PAK5: variants seen among roughly 807,000 people sequenced by gnomAD.
PAK5 encodes p21 (RAC1) activated kinase 5, also known as serine/threonine-protein kinase PAK 5.
A neutral mutation model predicts 65.9 loss-of-function variants in PAK5; 16 were observed. That is an observed-to-expected ratio of 0.24 (90% confidence interval 0.16 to 0.37). The LOEUF (loss-of-function observed/expected upper bound fraction) is 0.37, where lower values mean the gene tolerates loss of function less well. Among genes scored for constraint, PAK5 ranks in the 10% least tolerant of loss-of-function variants. The pLI is 1.00. For missense variants in PAK5, 785 were observed against 903.9 expected, an observed-to-expected ratio of 0.87 and a Z score of 1.69; for synonymous variants, 371 against 354.9, an observed-to-expected ratio of 1.05 and a Z score of -0.51.
At position 9,838,189 on chromosome 20, in the gene PAK5, GCA is replaced by G. The variant is rs1013658968; in HGVS notation, c.-162+571_-162+572del. On this transcript the variant is annotated intron_variant, in intron 1 of 9. Coordinates refer to ENST00000353224, the MANE Select transcript of PAK5 (RefSeq NM_177990.4). The surrounding 1 kb of genome is among the most constrained non-coding windows in gnomAD (Gnocchi z 4.5). Reference sequence around the variant, plus strand: ...CCATTACAACCCACCAGGCGCGCGCGCACACACACACGCGCGCACACACACAC... The same window carrying G: ...CCATTACAACCCACCAGGCGCGCGCGCACACACACGCGCGCACACACACAC... Among the ~76,000 whole-genome samples, 4 of 130,866 alleles carry G rather than the reference GCA, an allele frequency of 3.1e-5. No homozygotes were observed. Among genetic ancestry groups the G allele is most frequent in the African/African-American group, 6.4e-5 (2 of 31,090 alleles). 85.9% of individuals were successfully genotyped at this position (130,866 alleles called of 152,430 possible). A position where few individuals can be genotyped will look rare whatever the true frequency, so the allele number is the denominator to read the frequency against.
chr20:9,564,823 A>G (rs553353213), intron 5 of PAK5, among the ~76,000 whole-genome samples: 13 of 152,242 alleles, frequency 8.5e-5, no homozygotes, highest in African/African-American at 3.1e-4. Context: ...ACGATAAAAG[A>G]TTATTAAGCC....
chr20:9,808,118 T>C (rs1445861449), intron 1 of PAK5, among the ~76,000 whole-genome samples: 4 of 152,182 alleles, frequency 2.6e-5, no homozygotes, highest in African/African-American at 9.7e-5. Context: ...TGAAACTGAA[T>C]GTATTAGCAC....
At chr20:9,716,121 TACCC>T (rs1435522480) in intron 1 of PAK5, among the ~76,000 whole-genome samples, 3 of 20,738 alleles carry the variant, frequency 1.4e-4, no homozygotes, top group Admixed American at 6.4e-4. Flanking sequence ...CTCAAAAGCA[TACCC>T]TAAAACTTAG....
At chr20:9,808,700 G>T (rs1302795509) in intron 1 of PAK5, among the ~76,000 whole-genome samples, 1 of 152,154 alleles carries the variant, frequency 6.6e-6, no homozygotes, top group Non-Finnish European at 1.5e-5. Flanking sequence ...AAAGTAAACT[G>T]GTAGGAGTAT....
chr20:9,564,919 T>C (rs1482249465), intron 5 of PAK5, among the ~76,000 whole-genome samples: 1 of 151,758 alleles, frequency 6.6e-6, no homozygotes, highest in Non-Finnish European at 1.5e-5. Context: ...TGTATGCTGA[T>C]ATATTTTATT....
chr20:9,579,897 A>C (rs2045947059), intron 4 of PAK5, among the ~76,000 whole-genome samples: 2 of 152,344 alleles, frequency 1.3e-5, no homozygotes, highest in South Asian at 4.1e-4. Context: ...CAATAAGTTT[A>C]TTCGCCTTTT....
At chr20:9,572,720 C>T (rs1379820593) in intron 4 of PAK5, among the ~76,000 whole-genome samples, 1 of 152,174 alleles carries the variant, frequency 6.6e-6, no homozygotes, top group East Asian at 1.9e-4. Context: ...CATAGTTTAC[C>T]CTTGCAGACC....
chr20:9,821,507 T>C (rs2049420865), intron 1 of PAK5, among the ~76,000 whole-genome samples: 2 of 152,190 alleles, frequency 1.3e-5, no homozygotes, highest in Non-Finnish European at 2.9e-5. Flanking sequence ...TGGCAATCAC[T>C]GATATGACCT....
chr20:9,670,332 C>T (rs539157796), intron 2 of PAK5, among the ~76,000 whole-genome samples: 12 of 152,244 alleles, frequency 7.9e-5, no homozygotes, highest in African/African-American at 2.6e-4. Flanking sequence ...TTCTAGATCC[C>T]TGAGGAATCG....
At chr20:9,720,674 T>C (rs1569058122) in intron 1 of PAK5, among the ~76,000 whole-genome samples, 1 of 152,154 alleles carries the variant, frequency 6.6e-6, no homozygotes, top group Non-Finnish European at 1.5e-5. Flanking sequence ...ATGATACTAT[T>C]CATAATAGCC....
At chr20:9,699,146 T>A (rs1191767929) in intron 2 of PAK5, among the ~76,000 whole-genome samples, 1 of 152,164 alleles carries the variant, frequency 6.6e-6, no homozygotes, top group Non-Finnish European at 1.5e-5. Flanking sequence ...TTTTGTGTCC[T>A]ATCAGCTGCA....
Position 9,671,091 on chromosome 20 carries a change from C to T in PAK5, c.-11-26752G>A, listed in dbSNP as rs544739637. On this transcript the variant is annotated intron_variant, in intron 2 of 9. Coordinates refer to ENST00000353224, the MANE Select transcript of PAK5 (RefSeq NM_177990.4). ...CGAAGATCAGATAGTTGTAGATATG[C>T]GGCATTATTTCTGAGGGCTCTGTTC... 1.3e-4 allele frequency among the ~76,000 whole-genome samples: 20 copies of T among 152,124 alleles called. No homozygotes were observed. In the South Asian group the frequency reaches 1.9e-3, roughly 14 times the overall value.
intron 2 of PAK5, among the ~76,000 whole-genome samples, chr20:9,674,575 G>A (rs57083727): frequency 0.022 from 3,414 of 152,300 alleles, 62 homozygotes; most frequent in Middle Eastern, 0.054. Context: ...AGGCTGAGAT[G>A]TCCTGGTTTG....
intron 1 of PAK5, among the ~76,000 whole-genome samples, chr20:9,754,856 G>A (rs1460639086): frequency 1.3e-5 from 2 of 152,136 alleles, no homozygotes; most frequent in African/African-American, 4.8e-5. Context: ...TTTTCTCCCT[G>A]TTATAATTTT....
At chr20:9,605,033 A>G (rs2046427440) in intron 3 of PAK5, among the ~76,000 whole-genome samples, 1 of 152,236 alleles carries the variant, frequency 6.6e-6, no homozygotes, top group South Asian at 2.1e-4. Context: ...CCAGAAAGCC[A>G]CATGACAGAC....
At chr20:9,713,441 G>A (rs900323443) in intron 1 of PAK5, among the ~76,000 whole-genome samples, 3 of 152,016 alleles carry the variant, frequency 2.0e-5, no homozygotes, top group East Asian at 3.9e-4. Flanking sequence ...CAGCAATTAC[G>A]GAAAACAGCA....
At chr20:9,679,562 G>T (rs79215231) in intron 2 of PAK5, among the ~76,000 whole-genome samples, 1 of 151,950 alleles carries the variant, frequency 6.6e-6, no homozygotes, top group East Asian at 1.9e-4. Context: ...TTCTCATATT[G>T]CTGACATTCA....
chr20:9,764,808 G>A (rs544168018), intron 1 of PAK5, among the ~76,000 whole-genome samples: 4 of 152,122 alleles, frequency 2.6e-5, no homozygotes, highest in African/African-American at 9.6e-5. Context: ...TATATGTTAG[G>A]GTGGAAATGC....
In PAK5 at chr20:9,812,412, G is replaced by A. The variant is rs547792765; in HGVS notation, c.-162+26350C>T. On this transcript the variant is annotated intron_variant, in intron 1 of 9. Transcript: ENST00000353224. ...ACATCATTAGTCATTGGGGAAATGT[G>A]AAATAAAACCACAATGAGATATCAC... is the stretch of plus-strand genomic sequence containing the variant. Among the ~76,000 whole-genome samples the A allele has an allele frequency of 8.5e-5, 13 of 152,192 alleles. 1 individual carries two copies. In the South Asian group the frequency reaches 2.5e-3, roughly 29 times the overall value.
Sources: gnomAD v4.1 joint callset for allele counts (sites outside exome capture counted in the v4.1 genomes callset) on GRCh38, gnomAD v4.1.1 for gene constraint, Gnocchi (gnomAD v3.1) non-coding constraint, MANE v1.5 for transcripts, NCBI Gene and HGNC (gene_info 2026-07-23, HGNC 2026-07-21) for gene names.